PARD3: variants seen among roughly 807,000 people sequenced by gnomAD.
The protein encoded by PARD3 is partitioning defective 3 homolog.
A neutral mutation model predicts 155.4 loss-of-function variants in PARD3; 75 were observed. That is an observed-to-expected ratio of 0.48 (90% CI 0.40 to 0.58). PARD3 has a LOEUF of 0.58. PARD3 is among the 20% of genes least tolerant of loss of function. The probability of loss-of-function intolerance (pLI) is 0.00; values close to 1 mark genes in which losing one functional copy is unlikely to be tolerated. For synonymous variants in PARD3, 576 were observed against 610.5 expected (o/e 0.94, Z 0.83); for missense variants, 1,642 against 1,721.7 (o/e 0.95, Z 0.82).
rs1200956716 is a variant in PARD3 at position 34,364,427 on chromosome 10, G to C, written c.1708-4168C>G. On this transcript the variant is annotated intron_variant, in intron 12 of 24. Transcript: ENST00000374788. ...CTCTCAAGATCTGCCCTTATCTACA[G>C]AATTATCTTTTTTTTTTTTAAAGAC... Among the ~76,000 whole-genome samples, 3 of 151,300 alleles carry C rather than the reference G, an allele frequency of 2.0e-5. No individual in the cohort carries two copies. In the East Asian group the frequency reaches 5.8e-4, roughly 29 times the overall value.
At chr10:34,253,488 T>C (rs563264254) in intron 22 of PARD3, among the ~76,000 whole-genome samples, 1 of 152,280 alleles carries the variant, frequency 6.6e-6, no homozygotes, top group East Asian at 1.9e-4. Context: ...CCACCCACAG[T>C]GATGAGCCAC....
intron 22 of PARD3, among the ~76,000 whole-genome samples, chr10:34,184,582 T>A (rs557597494): frequency 6.6e-6 from 1 of 152,176 alleles, no homozygotes; most frequent in African/African-American, 2.4e-5. Context: ...CGTTTATTCA[T>A]GCCTTATAAG....
intron 1 of PARD3, among the ~76,000 whole-genome samples, chr10:34,698,986 C>T (rs750263200): frequency 9.2e-5 from 14 of 152,188 alleles, no homozygotes; most frequent in Non-Finnish European, 1.6e-4. Context: ...CTCCACGATG[C>T]TTAACACAAA....
At chr10:34,584,574 C>T (rs1383449483) in intron 2 of PARD3, among the ~76,000 whole-genome samples, 1 of 152,130 alleles carries the variant, frequency 6.6e-6, no homozygotes, top group African/African-American at 2.4e-5. Flanking sequence ...TCCAACTAAT[C>T]GAGCGGAGTT....
At chr10:34,385,604 A>G (rs2059905990) in intron 7 of PARD3, among the ~76,000 whole-genome samples, 1 of 152,188 alleles carries the variant, frequency 6.6e-6, no homozygotes, top group Non-Finnish European at 1.5e-5. Flanking sequence ...AGACACCCTA[A>G]TTTTCAAATA....
chr10:34,666,797 ATATAT>A (rs2093489432), intron 2 of PARD3, among the ~76,000 whole-genome samples: 2 of 65,090 alleles, frequency 3.1e-5, no homozygotes, highest in African/African-American at 1.3e-4. Flanking sequence ...AAAAAAAAAA[ATATAT>A]ATATATATAT....
intron 23 of PARD3, among the ~76,000 whole-genome samples, chr10:34,123,751 T>C (rs901951851): frequency 1.3e-5 from 2 of 152,120 alleles, no homozygotes; most frequent in Admixed American, 1.3e-4. Flanking sequence ...ATGAATTAAG[T>C]CTTTAAGCAT....
At chr10:34,258,583 G>C (rs1172868756) in intron 22 of PARD3, among the ~76,000 whole-genome samples, 1 of 152,190 alleles carries the variant, frequency 6.6e-6, no homozygotes, top group Non-Finnish European at 1.5e-5. Context: ...TGGTGCTGGA[G>C]AAATCTGGGG....
At chr10:34,316,007 G>C (rs781327499) in intron 20 of PARD3, among the ~76,000 whole-genome samples, 2 of 152,122 alleles carry the variant, frequency 1.3e-5, no homozygotes, top group African/African-American at 4.8e-5. Flanking sequence ...ATGGTTCCTC[G>C]ACTTTCCAGG....
intron 2 of PARD3, among the ~76,000 whole-genome samples, chr10:34,686,275 A>T (rs981742749): frequency 1.5e-4 from 23 of 152,298 alleles, no homozygotes; most frequent in Non-Finnish European, 5.9e-5. Flanking sequence ...TCCTTGTGCG[A>T]TAATTTTCCT....
chr10:34,584,648 T>A (rs1590113597), intron 2 of PARD3, among the ~76,000 whole-genome samples: 1 of 152,288 alleles, frequency 6.6e-6, no homozygotes, highest in East Asian at 1.9e-4. Context: ...GTCTCTGTGA[T>A]GTTTGTCTAT....
intron 23 of PARD3, among the ~76,000 whole-genome samples, chr10:34,124,428 A>G (rs1947168339): frequency 6.6e-6 from 1 of 152,182 alleles, no homozygotes; most frequent in South Asian, 2.1e-4. Flanking sequence ...ATGCCATTAA[A>G]TCATGTGAAG....
chr10:34,518,877 T>C (rs146126733), intron 2 of PARD3, among the ~76,000 whole-genome samples: 45 of 152,220 alleles, frequency 3.0e-4, no homozygotes, highest in African/African-American at 9.4e-4. Flanking sequence ...AAAACAGTAA[T>C]ATTGTTGAAG....
At chr10:34,119,973 T>C (rs1241992988) in intron 23 of PARD3, among the ~76,000 whole-genome samples, 1 of 151,446 alleles carries the variant, frequency 6.6e-6, no homozygotes, top group Non-Finnish European at 1.5e-5. Flanking sequence ...GTGGTTTAAA[T>C]TGAAGAGATC....
chr10:34,607,245 A>T lies in PARD3; in HGVS notation c.222+89073T>A, dbSNP rs192616510. ...AGTGTAAGAAATTCCGGCATTTTACAGATAAATGCACAACACAGGCAATAT... is the reference window on the plus strand; with the variant it reads ...AGTGTAAGAAATTCCGGCATTTTACTGATAAATGCACAACACAGGCAATAT... On this transcript the variant is annotated intron_variant, in intron 2 of 24. Transcript: ENST00000374788. Among the ~76,000 whole-genome samples the T allele has an allele frequency of 2.6e-4, 40 of 152,366 alleles. 1 individual carries two copies. Among genetic ancestry groups the T allele is most frequent in the Admixed American group, 1.9e-3 (29 of 15,312 alleles).
chr10:34,257,461 G>T (rs967652048), intron 22 of PARD3, among the ~76,000 whole-genome samples: 3 of 152,214 alleles, frequency 2.0e-5, no homozygotes, highest in Non-Finnish European at 4.4e-5. Context: ...CATGAAGCAG[G>T]ATCTTGGAGC....
In PARD3 at chr10:34,284,262, A is replaced by C. The variant is rs1564547475; in HGVS notation, c.3066-17T>G. 1 of 1,459,036 alleles carries C rather than the reference A, an allele frequency of 6.9e-7. No individual in the cohort carries two copies. The highest frequency in any genetic ancestry group is 2.3e-5 in the East Asian group (1 of 43,892). 90.4% of individuals were successfully genotyped at this position (1,459,036 alleles called of 1,614,324 possible). On this transcript the variant is annotated splice_polypyrimidine_tract_variant and intron_variant, in intron 20 of 24. Coordinates refer to ENST00000374788, the MANE Select transcript of PARD3 (RefSeq NM_001184785.2). ...TTGCCAAACCTGTTAATAACAAAAAATTCTAACTTGTCAATATATACAAAA... is the reference window on the plus strand; with the variant it reads ...TTGCCAAACCTGTTAATAACAAAAACTTCTAACTTGTCAATATATACAAAA...
At chr10:34,385,895 T>A (rs568212220) in intron 7 of PARD3, among the ~76,000 whole-genome samples, 50 of 152,304 alleles carry the variant, frequency 3.3e-4, no homozygotes, top group Non-Finnish European at 5.4e-4. Context: ...ATGATTGAGG[T>A]TAGCTGAGGC....
intron 2 of PARD3, among the ~76,000 whole-genome samples, chr10:34,618,399 T>C (rs1320168321): frequency 6.6e-6 from 1 of 152,210 alleles, no homozygotes; most frequent in East Asian, 1.9e-4. Flanking sequence ...ATAGCTTTTC[T>C]TAACTCTTGG....
Sources: allele counts gnomAD v4.1 joint callset (sites outside exome capture counted in the v4.1 genomes callset), GRCh38; gene constraint gnomAD v4.1.1; transcripts MANE v1.5; gene names NCBI Gene and HGNC (gene_info 2026-07-23, HGNC 2026-07-21).